RNF19A: variants seen among roughly 807,000 people sequenced by gnomAD.
RNF19A encodes E3 ubiquitin-protein ligase RNF19A.
In RNF19A, 32 loss-of-function variants were observed where a neutral mutation model predicts 75.7. The ratio of observed to expected loss-of-function variants is 0.42; its 90% CI spans 0.32 to 0.57. The LOEUF (loss-of-function observed/expected upper bound fraction) is 0.57. Among genes scored for constraint, RNF19A ranks in the 20% least tolerant of loss-of-function variants. The pLI is 0.10. For synonymous variants in RNF19A, 335 were observed against 345.2 expected (o/e 0.97, Z 0.33); for missense variants, 782 against 1,036.3 (o/e 0.75, Z 3.37).
intron 5 of RNF19A, among the ~76,000 whole-genome samples, chr8:100,266,328 T>A (rs1259135812): frequency 6.6e-6 from 1 of 152,218 alleles, no homozygotes; most frequent in Non-Finnish European, 1.5e-5. Flanking sequence ...GATCTGTAAC[T>A]GTACCCTATG....
intron 3 of RNF19A, among the ~76,000 whole-genome samples, chr8:100,273,063 C>T (rs1017344638): frequency 6.6e-6 from 1 of 151,718 alleles, no homozygotes; most frequent in African/African-American, 2.4e-5. Flanking sequence ...GAAGGAGTCT[C>T]GCCACATTGC....
At position 100,323,473 on chromosome 8, in the gene RNF19A, C is replaced by G. The variant is rs1186014737; in HGVS notation, c.-242-10101G>C. On this transcript the variant is annotated intron_variant, in intron 1 of 3. Coordinates refer to the RNF19A transcript ENST00000519527. The surrounding 1 kb of genome is among the most constrained non-coding windows in gnomAD (Gnocchi z 4.6). ...TTTTGCAGGATGACCACGTTTCACC[C>G]TTCTTTTCTGCCATCCATTCTTAGA... is the stretch of plus-strand genomic sequence containing the variant. Among the ~76,000 whole-genome samples, 1 of 152,188 alleles carries G rather than the reference C, an allele frequency of 6.6e-6. No individual in the cohort carries two copies. Among genetic ancestry groups the G allele is most frequent in the Non-Finnish European group, 1.5e-5 (1 of 68,030 alleles).
Position 100,264,600 on chromosome 8 carries a change from A to G in RNF19A, c.1306+71T>C. 2.9e-6 allele frequency: 3 copies of G among 1,023,738 alleles called. No homozygotes were observed. The highest frequency in any genetic ancestry group is 4.5e-6 in the Non-Finnish European group (3 of 673,204). 63.4% of individuals were successfully genotyped at this position (1,023,738 alleles called of 1,614,324 possible). On this transcript the variant is annotated intron_variant, in intron 6 of 9. Transcript: ENST00000341084. The surrounding 1 kb of genome is among the most constrained non-coding windows in gnomAD (Gnocchi z 4.7). Reference sequence around the variant, plus strand: ...TTGTCCTCAAATTAAAAAACAATTAAAAAAAATCCTTCCACAAAACTTTAA... The same window carrying G: ...TTGTCCTCAAATTAAAAAACAATTAGAAAAAATCCTTCCACAAAACTTTAA...
rs1447572770 is a variant in RNF19A at position 100,330,192 on chromosome 8, T to A, written c.-243+5916A>T. ...ACAATCTCCCCAACCTTCTCTAGCATCTTAACTTTTTCTCTCTCCAAAGCC... is the reference window on the plus strand; with the variant it reads ...ACAATCTCCCCAACCTTCTCTAGCAACTTAACTTTTTCTCTCTCCAAAGCC... On this transcript the variant is annotated intron_variant, in intron 1 of 3. Coordinates refer to the RNF19A transcript ENST00000519527. This position sits in a 1 kb window ranked among gnomAD's most constrained non-coding sequence, Gnocchi z 4.1. Among the ~76,000 whole-genome samples, 1 of 152,200 alleles carries A rather than the reference T, an allele frequency of 6.6e-6. No homozygotes were observed. The highest frequency in any genetic ancestry group is 6.5e-5 in the Admixed American group (1 of 15,276).
chr8:100,313,911 T>TTTTTTTTTTTTTTTTTTA (rs1563872294), upstream of RNF19A, among the ~76,000 whole-genome samples: 1 of 151,116 alleles, frequency 6.6e-6, no homozygotes. Flanking sequence ...ACTTTTTTTT[T>TTTTTTTTTTTTTTTTTTA]GAGACAGAGT....
rs142099297 is a variant in RNF19A at position 100,264,776 on chromosome 8, G to A, written c.1201C>T (p.Arg401Cys). The change falls in exon 6 of 10, where the codon CGC becomes TGC. Residue 401 changes from arginine (R) to cysteine (C), a missense_variant. Around this residue, in one of 7 missense-constraint regions of RNF19A, gnomAD observed 442 missense variants for 541.6 expected, o/e 0.82. Transcript: ENST00000341084. The surrounding 1 kb of genome is among the most constrained non-coding windows in gnomAD (Gnocchi z 4.7). Reference protein sequence around the residue: ...PVYVGRKIHNRYEGKDVSKHK... With the variant: ...PVYVGRKIHNCYEGKDVSKHK... ...TTTGAAACATCCTTGCCTTCATAGC[G>A]ATTGTGAATCTTGAATTAATAAAAA... 2.1e-5 allele frequency: 34 copies of A among 1,611,286 alleles called. No homozygotes were observed. The highest frequency in any genetic ancestry group is 5.3e-5 in the African/African-American group (4 of 74,820).
At chr8:100,268,432 T>C (rs952534133) in intron 5 of RNF19A, among the ~76,000 whole-genome samples, 1 of 152,222 alleles carries the variant, frequency 6.6e-6, no homozygotes, top group African/African-American at 2.4e-5. Context: ...GTTATTTAGC[T>C]ATTAACTTTC....
At chr8:100,307,238 C>A (rs1389969409) in intron 1 of RNF19A, among the ~76,000 whole-genome samples, 1 of 152,114 alleles carries the variant, frequency 6.6e-6, no homozygotes, top group African/African-American at 2.4e-5. Flanking sequence ...CTAAGATTTC[C>A]TATATAACCC....
intron 1 of RNF19A, among the ~76,000 whole-genome samples, chr8:100,318,564 TTATGAAA>T (rs1353988654): frequency 6.6e-6 from 1 of 152,238 alleles, no homozygotes. Context: ...ATTTCCACAC[TTATGAAA>T]TATAACTGTA....
At chr8:100,281,255 CT>C in intron 2 of RNF19A, among the ~76,000 whole-genome samples, 1 of 152,194 alleles carries the variant, frequency 6.6e-6, no homozygotes, top group Non-Finnish European at 1.5e-5. Context: ...CTTCTGTTCA[CT>C]GCATTGTTAA....
At chr8:100,292,524 GT>G (rs1355810958) in intron 1 of RNF19A, among the ~76,000 whole-genome samples, 3 of 151,408 alleles carry the variant, frequency 2.0e-5, no homozygotes, top group African/African-American at 7.3e-5. Context: ...AATTTCAAAA[GT>G]TTTTAACGTG....
At chr8:100,279,266 C>T (rs1820668549) in intron 2 of RNF19A, among the ~76,000 whole-genome samples, 1 of 152,100 alleles carries the variant, frequency 6.6e-6, no homozygotes, top group African/African-American at 2.4e-5. Flanking sequence ...TACATATATA[C>T]ACACGGTATA....
intron 1 of RNF19A, among the ~76,000 whole-genome samples, chr8:100,335,079 CTG>C (rs1822661928): frequency 6.6e-6 from 1 of 152,196 alleles, no homozygotes; most frequent in Admixed American, 6.5e-5. Context: ...AGCTAGAACA[CTG>C]TGTCAAGGAA....
chr8:100,262,658 A>T (rs1819776603), intron 7 of RNF19A, among the ~76,000 whole-genome samples: 1 of 152,254 alleles, frequency 6.6e-6, no homozygotes, highest in Middle Eastern at 3.4e-3. Context: ...TTTGAGCATA[A>T]GAAAGTTATA....
intron 2 of RNF19A, among the ~76,000 whole-genome samples, chr8:100,278,356 CAAAAT>C (rs1243359325): frequency 6.6e-6 from 1 of 152,098 alleles, no homozygotes; most frequent in Non-Finnish European, 1.5e-5. Flanking sequence ...TCTGAATACT[CAAAAT>C]AAATATTGGT....
At chr8:100,291,041 G>A (rs963422464) in intron 1 of RNF19A, among the ~76,000 whole-genome samples, 4 of 151,980 alleles carry the variant, frequency 2.6e-5, no homozygotes, top group African/African-American at 9.7e-5. Flanking sequence ...GAGTAGATCT[G>A]GACATGCAAA....
rs775216839 is a variant in RNF19A at position 100,258,931 on chromosome 8, ACT to A, written c.2140_2141del (p.Ser714Ter). 6.2e-7 allele frequency: 1 copy of A among 1,614,262 alleles called. No individual in the cohort carries two copies. Among genetic ancestry groups the A allele is most frequent in the South Asian group, 1.1e-5 (1 of 91,086 alleles). On this transcript the variant is annotated frameshift_variant, in exon 10 of 10. Transcript: ENST00000341084. LOFTEE classifies it high-confidence loss of function. This position sits in a 1 kb window ranked among gnomAD's most constrained non-coding sequence, Gnocchi z 4.3. Reference sequence around the variant, plus strand: ...AATCTGCTACAGAAGGCATACTGTCACTGAGGGATGGAGCCTCAAATTCACTT... The same window carrying A: ...AATCTGCTACAGAAGGCATACTGTCAGAGGGATGGAGCCTCAAATTCACTT... Reference protein sequence around the residue: ...NSSEFEAPSLSDSMPSVADSH... With the variant: ...NSSEFEAPSLXDSMPSVADSH...
At chr8:100,286,272 C>G (rs1821013646) in intron 2 of RNF19A, among the ~76,000 whole-genome samples, 1 of 152,156 alleles carries the variant, frequency 6.6e-6, no homozygotes. Flanking sequence ...GCCATTACAC[C>G]TGGAAACACA....
intron 1 of RNF19A, among the ~76,000 whole-genome samples, chr8:100,316,857 G>T (rs1339349555): frequency 6.6e-6 from 1 of 152,224 alleles, no homozygotes; most frequent in African/African-American, 2.4e-5. Flanking sequence ...AGGCCGCACA[G>T]CAACTCATGG....
Sources: gnomAD v4.1 joint callset for allele counts (sites outside exome capture counted in the v4.1 genomes callset) on GRCh38, gnomAD v4.1.1 for gene constraint, gnomAD v4.1.1 regional missense constraint, Gnocchi (gnomAD v3.1) non-coding constraint, MANE v1.5 for transcripts, NCBI Gene and HGNC (gene_info 2026-07-23, HGNC 2026-07-21) for gene names.